The following LONRF3 variants were observed in gnomAD, a reference collection of about 807,000 sequenced individuals.
The protein encoded by LONRF3 is LON peptidase N-terminal domain and ring finger 3.
In LONRF3, 19 loss-of-function variants were observed where a neutral mutation model predicts 51.7. That is an observed-to-expected ratio of 0.37 (90% CI 0.26 to 0.54). The LOEUF (loss-of-function observed/expected upper bound fraction) is 0.54. Ranked by LOEUF, LONRF3 falls within the 20% of genes least tolerant of loss-of-function variation. The pLI, the probability that LONRF3 is intolerant of heterozygous loss-of-function variation, is 0.86. For missense variants in LONRF3, 521 were observed against 623.9 expected (o/e 0.84, Z 1.76); for synonymous variants, 265 against 257.8 (o/e 1.03, Z -0.27).
intron 1 of LONRF3, 73 bp downstream of exon 1, chrX:118,975,670 C>T (rs1365764547): frequency 2.3e-6 from 2 of 886,870 alleles, no homozygotes; most frequent in Non-Finnish European, 3.0e-6. Flanking sequence ...ACAAACCCCG[C>T]AGCGAGAAGG....
At position 118,987,444 on chromosome X, in the gene LONRF3, A is replaced by AGTTTTT. The variant is rs1923067891; in HGVS notation, c.1060-1963_1060-1958dup. 4.0e-4 allele frequency among the ~76,000 whole-genome samples: 9 copies of AGTTTTT among 22,239 alleles called. 1 individual carries two copies. In the Admixed American group the frequency reaches 4.4e-3, roughly 11 times the overall value. The allele number at this position is 22,239 out of a possible 115,157, so 19.3% of individuals were successfully genotyped here. ...AGGCACGTGCCACCATGCCTGGCTAAGTTTTTTTTTTTTTTTTTTTTTTTT... is the reference window on the plus strand; with the variant it reads ...AGGCACGTGCCACCATGCCTGGCTAAGTTTTTGTTTTTTTTTTTTTTTTTTTTTTTT... On this transcript the variant is annotated intron_variant, in intron 3 of 10. Transcript: ENST00000371628.
At chrX:118,982,997 C>T in intron 3 of LONRF3, 54 bp downstream of exon 3, 1 of 1,167,700 alleles carries the variant, frequency 8.6e-7, no homozygotes, top group Non-Finnish European at 1.2e-6. Context: ...CCCTCTCTGT[C>T]TTATCTAGGA....
At chrX:119,016,651 C>A (rs1403496906) in intron 10 of LONRF3, among the ~76,000 whole-genome samples, 2 of 112,115 alleles carry the variant, frequency 1.8e-5, no homozygotes, top group South Asian at 3.7e-4. Context: ...GGCCCTGGGG[C>A]AGAATATATT....
chrX:119,003,362 C>T lies in LONRF3; in HGVS notation c.1416-2759C>T, dbSNP rs188586219. 7.1e-4 allele frequency among the ~76,000 whole-genome samples: 79 copies of T among 111,612 alleles called. No individual in the cohort carries two copies. In the East Asian group the frequency reaches 0.021, roughly 30 times the overall value. ...ATGAACGTTTTATTGTTCTGCTTTT[C>T]ACATTTATTTTTACAGCCCACATGG... is the stretch of plus-strand genomic sequence containing the variant. On this transcript the variant is annotated intron_variant, in intron 5 of 10. Coordinates refer to ENST00000371628, the MANE Select transcript of LONRF3 (RefSeq NM_001031855.3).
intron 2 of LONRF3, among the ~76,000 whole-genome samples, chrX:118,979,300 CT>C (rs781007753): frequency 2.1e-4 from 20 of 97,233 alleles, no homozygotes; most frequent in Non-Finnish European, 1.9e-4. Context: ...ACCGCGCTGG[CT>C]TTTTTTTTTT....
rs917598042 is a variant in LONRF3, at chrX:118,988,967, T to C, written c.1060-441T>C. Among the ~76,000 whole-genome samples, 4 of 110,273 alleles carry C rather than the reference T, an allele frequency of 3.6e-5. No homozygotes were observed. In the Admixed American group the frequency reaches 3.9e-4, roughly 11 times the overall value. ...CCAAAAGTCCTTTTGGAGCTGGAGTTTGGGGATCGCAGACGGCCGTGAATG... is the reference window on the plus strand; with the variant it reads ...CCAAAAGTCCTTTTGGAGCTGGAGTCTGGGGATCGCAGACGGCCGTGAATG... On this transcript the variant is annotated intron_variant, in intron 3 of 10. Coordinates refer to ENST00000371628, the MANE Select transcript of LONRF3 (RefSeq NM_001031855.3).
chrX:118,996,907 G>C (rs1255755039), intron 5 of LONRF3, among the ~76,000 whole-genome samples: 1 of 93,871 alleles, frequency 1.1e-5, no homozygotes, highest in Non-Finnish European at 2.1e-5. Flanking sequence ...GGGCGACAGA[G>C]CTAGACTCCA....
intron 3 of LONRF3, among the ~76,000 whole-genome samples, chrX:118,987,459 T>G (rs1346749428): frequency 1.1e-5 from 1 of 88,909 alleles, no homozygotes; most frequent in African/African-American, 4.2e-5. Context: ...TTTTTTTTTT[T>G]TTTTTTTTTT....
At position 118,975,041 on chromosome X, in the gene LONRF3, C is replaced by G; in HGVS notation, c.261C>G (p.Leu87=). ...LASRGRIREA[L]EVYRQLSERQ... ...CCCGGGGGCGAATCCGTGAAGCCCT[C>G]GAGGTGTATAGACAGCTCTCCGAGC... The change falls in exon 1 of 11, where the codon CTC becomes CTG. Residue 87 remains leucine, a synonymous_variant. Coordinates refer to ENST00000371628, the MANE Select transcript of LONRF3 (RefSeq NM_001031855.3). The G allele has an allele frequency of 6.0e-6, 7 of 1,174,157 alleles. No homozygotes were observed. The highest frequency in any genetic ancestry group is 2.5e-5 in the Admixed American group (1 of 40,069).
At chrX:118,983,136 G>A (rs1214413889) in intron 3 of LONRF3, among the ~76,000 whole-genome samples, 193 bp downstream of exon 3, 1 of 111,542 alleles carries the variant, frequency 9.0e-6, no homozygotes, top group East Asian at 2.8e-4. Context: ...TGGTGTGTAC[G>A]ATCAGTTTGG....
chrX:118,974,677 C>T lies in LONRF3; in HGVS notation c.-104C>T. On this transcript the variant is annotated 5_prime_UTR_variant, in exon 1 of 11. Coordinates refer to ENST00000371628, the MANE Select transcript of LONRF3 (RefSeq NM_001031855.3). Reference sequence around the variant, plus strand: ...CGGAGGCGCGGCAGGGTCAGGAGCTCGGTGGCATGGCGGCGGTGGCTGCCC... The same window carrying T: ...CGGAGGCGCGGCAGGGTCAGGAGCTTGGTGGCATGGCGGCGGTGGCTGCCC... The T allele has an allele frequency of 2.7e-6, 2 of 733,620 alleles. No homozygotes were observed. The highest frequency in any genetic ancestry group is 3.9e-6 in the Non-Finnish European group (2 of 508,449). 60.5% of individuals were successfully genotyped at this position (733,620 alleles called of 1,213,427 possible).
chrX:118,995,316 A>G (rs756936078), intron 5 of LONRF3, among the ~76,000 whole-genome samples: 1 of 112,138 alleles, frequency 8.9e-6, no homozygotes, highest in East Asian at 2.8e-4. Context: ...ACAACCTATC[A>G]AAACCTCTGG....
At chrX:118,975,701 A>AGGGGGCGGGGGACCCATGGAC (rs2147261158) in intron 1 of LONRF3, 104 bp downstream of exon 1, 1 of 89,198 alleles carries the variant, frequency 1.1e-5, no homozygotes, top group South Asian at 3.7e-4. Flanking sequence ...AGGGCAGAAG[A>AGGGGGCGGGGGACCCATGGAC]GGGGGCGGGG....
At chrX:119,003,167 C>T (rs895709565) in intron 5 of LONRF3, among the ~76,000 whole-genome samples, 3 of 111,256 alleles carry the variant, frequency 2.7e-5, no homozygotes, top group African/African-American at 9.8e-5. Context: ...ACCTTCAGGT[C>T]ATAAAGATAT....
intron 6 of LONRF3, among the ~76,000 whole-genome samples, 185 bp from the exon 7 acceptor site, chrX:119,008,940 GT>G (rs771247494): frequency 8.9e-6 from 1 of 111,841 alleles, no homozygotes; most frequent in African/African-American, 3.2e-5. Flanking sequence ...TTGCATGTGT[GT>G]TTTTTTAAAT....
chrX:118,999,120 G>A (rs1007408774), intron 5 of LONRF3, among the ~76,000 whole-genome samples: 2 of 112,071 alleles, frequency 1.8e-5, no homozygotes, highest in African/African-American at 6.5e-5. Context: ...TAACACAGCC[G>A]TTACCTGAAA....
At chrX:118,977,322 G>A (rs1922164633) in intron 1 of LONRF3, among the ~76,000 whole-genome samples, 1 of 111,477 alleles carries the variant, frequency 9.0e-6, no homozygotes, top group African/African-American at 3.3e-5. Flanking sequence ...CCAGGGGCCA[G>A]GAAAGCCCCT....
chrX:119,016,634 T>C (rs940182816), intron 10 of LONRF3, among the ~76,000 whole-genome samples: 1 of 112,322 alleles, frequency 8.9e-6, no homozygotes, highest in African/African-American at 3.2e-5. Context: ...CGTGAGCCAC[T>C]GTGCCCGGCC....
chrX:118,998,433 A>G (rs919910668), intron 5 of LONRF3, among the ~76,000 whole-genome samples: 2 of 110,045 alleles, frequency 1.8e-5, no homozygotes, highest in Admixed American at 1.9e-4. Context: ...CATAAGAATG[A>G]TACAATGGAC....
Sources: allele counts gnomAD v4.1 joint callset (sites outside exome capture counted in the v4.1 genomes callset), GRCh38; gene constraint gnomAD v4.1.1; transcripts MANE v1.5; gene names NCBI Gene and HGNC (gene_info 2026-07-23, HGNC 2026-07-21).